The following FAT3 variants were observed in gnomAD, a reference collection of about 807,000 sequenced individuals.
FAT3 encodes protocadherin Fat 3.
A neutral mutation model predicts 310.2 loss-of-function variants in FAT3; 95 were observed. The observed-to-expected ratio is 0.31, with a 90% CI of 0.26 to 0.36. The LOEUF is 0.36. Among genes scored for constraint, FAT3 ranks in the 10% least tolerant of loss-of-function variants. The probability of loss-of-function intolerance (pLI) is 1.00; values close to 1 mark genes in which losing one functional copy is unlikely to be tolerated. For synonymous variants in FAT3, 2,314 were observed against 2,192.9 expected (o/e 1.06, Z -1.54); for missense variants, 5,408 against 5,715.6 (o/e 0.95, Z 1.74).
chr11:92,434,523 G>A (rs918229427), intron 2 of FAT3, among the ~76,000 whole-genome samples: 2 of 152,162 alleles, frequency 1.3e-5, no homozygotes, highest in Non-Finnish European at 2.9e-5. Flanking sequence ...CAGGATGAAA[G>A]TGGGATTTAG....
intron 2 of FAT3, among the ~76,000 whole-genome samples, chr11:92,413,811 C>A (rs1950349139): frequency 6.6e-6 from 1 of 152,090 alleles, no homozygotes; most frequent in Non-Finnish European, 1.5e-5. Flanking sequence ...TGTTGACAGG[C>A]GGGAGAGGAA....
At chr11:92,468,134 C>T (rs757253724) in intron 2 of FAT3, among the ~76,000 whole-genome samples, 1 of 152,174 alleles carries the variant, frequency 6.6e-6, no homozygotes, top group African/African-American at 2.4e-5. Context: ...TTAATCATTA[C>T]ATGGTTTCTG....
intron 3 of FAT3, among the ~76,000 whole-genome samples, chr11:92,621,706 T>C (rs1376337950): frequency 2.0e-5 from 3 of 152,250 alleles, no homozygotes. Flanking sequence ...TCCGTTCTGT[T>C]CTTTGAATGT....
chr11:92,374,765 C>T (rs1427241322), intron 2 of FAT3, among the ~76,000 whole-genome samples: 1 of 152,178 alleles, frequency 6.6e-6, no homozygotes, highest in Non-Finnish European at 1.5e-5. Flanking sequence ...CTACCTCCAC[C>T]CTTTACTGTT....
intron 2 of FAT3, among the ~76,000 whole-genome samples, chr11:92,482,111 C>T (rs1952243301): frequency 6.6e-6 from 1 of 152,034 alleles, no homozygotes; most frequent in African/African-American, 2.4e-5. Context: ...ATTTAGACAT[C>T]TTCAATGTCA....
intron 3 of FAT3, among the ~76,000 whole-genome samples, chr11:92,576,169 C>T (rs1028687508): frequency 6.6e-5 from 10 of 152,092 alleles, no homozygotes; most frequent in South Asian, 4.1e-4. Flanking sequence ...AGGCTAAACC[C>T]GAAGCAGGAG....
At chr11:92,779,657 AT>A (rs1946688182) in intron 7 of FAT3, among the ~76,000 whole-genome samples, 1 of 152,304 alleles carries the variant, frequency 6.6e-6, no homozygotes, top group Admixed American at 6.5e-5. Context: ...CCCCAAGAAG[AT>A]GTTCATGTTC....
At chr11:92,325,556 G>C (rs945643420) in intron 1 of FAT3, among the ~76,000 whole-genome samples, 1 of 152,058 alleles carries the variant, frequency 6.6e-6, no homozygotes, top group African/African-American at 2.4e-5. Flanking sequence ...CTCATTTGAC[G>C]TGTGGCTAAA....
intron 8 of FAT3, among the ~76,000 whole-genome samples, chr11:92,791,643 T>C (rs185564763): frequency 3.3e-5 from 5 of 152,332 alleles, no homozygotes; most frequent in Admixed American, 2.0e-4. Context: ...TGCTTATTCC[T>C]CCTAGGTACT....
chr11:92,639,040 T>G (rs1941867527), intron 3 of FAT3, among the ~76,000 whole-genome samples: 1 of 152,154 alleles, frequency 6.6e-6, no homozygotes, highest in African/African-American at 2.4e-5. Flanking sequence ...ATGCATTAAT[T>G]AGTTGTTATA....
intron 2 of FAT3, among the ~76,000 whole-genome samples, chr11:92,442,426 G>C (rs984041636): frequency 1.1e-4 from 16 of 151,030 alleles, no homozygotes; most frequent in Admixed American, 9.2e-4. Context: ...AAATATATTT[G>C]AGCATGGTAT....
intron 1 of FAT3, among the ~76,000 whole-genome samples, chr11:92,231,549 G>T (rs1187565544): frequency 6.6e-6 from 1 of 152,102 alleles, no homozygotes; most frequent in Non-Finnish European, 1.5e-5. Context: ...AAGTTTAATT[G>T]TAACTTCAGG....
At chr11:92,860,394 G>C (rs1301731618) in intron 21 of FAT3, among the ~76,000 whole-genome samples, 1 of 152,084 alleles carries the variant, frequency 6.6e-6, no homozygotes. Context: ...TCTCCATCTT[G>C]CTACTACAAC....
intron 1 of FAT3, among the ~76,000 whole-genome samples, chr11:92,311,848 T>G (rs867136135): frequency 6.6e-6 from 1 of 152,174 alleles, no homozygotes; most frequent in Non-Finnish European, 1.5e-5. Context: ...TCCCCTGGTT[T>G]AATGTGTCAG....
At chr11:92,343,595 C>T (rs540081788) in intron 1 of FAT3, among the ~76,000 whole-genome samples, 12 of 152,306 alleles carry the variant, frequency 7.9e-5, no homozygotes, top group African/African-American at 2.9e-4. Flanking sequence ...AGATTCTTCT[C>T]TTCGTGTTAG....
chr11:92,785,382 G>A (rs3843603), intron 7 of FAT3, among the ~76,000 whole-genome samples: 48,547 of 151,856 alleles, frequency 0.32, 8,022 homozygotes, highest in Non-Finnish European at 0.34. Flanking sequence ...TGCTGTAATA[G>A]CCAATGCAAT....
At chr11:92,728,864 A>G (rs1945083762) in intron 4 of FAT3, among the ~76,000 whole-genome samples, 1 of 152,184 alleles carries the variant, frequency 6.6e-6, no homozygotes, top group East Asian at 1.9e-4. Context: ...CAAGGACATT[A>G]GTGATGTCAT....
intron 2 of FAT3, among the ~76,000 whole-genome samples, chr11:92,472,515 CA>C (rs1377458900): frequency 3.3e-5 from 5 of 152,104 alleles, no homozygotes; most frequent in Non-Finnish European, 2.9e-5. Flanking sequence ...GTAGTATTTG[CA>C]GTCAAAAAGA....
intron 3 of FAT3, among the ~76,000 whole-genome samples, chr11:92,545,626 G>A (rs573559056): frequency 6.6e-6 from 1 of 152,308 alleles, no homozygotes; most frequent in East Asian, 1.9e-4. Flanking sequence ...TAGTCGGTAA[G>A]ATTTGCACTT....
Sources: gnomAD v4.1 joint callset for allele counts (sites outside exome capture counted in the v4.1 genomes callset) on GRCh38, gnomAD v4.1.1 for gene constraint, MANE v1.5 for transcripts, NCBI Gene and HGNC (gene_info 2026-07-23, HGNC 2026-07-21) for gene names.